Variants in NNMT observed in about 807,000 individuals in gnomAD.
NNMT encodes nicotinamide N-methyltransferase.
In NNMT, 10 loss-of-function variants were observed where a neutral mutation model predicts 11.7. That is an observed-to-expected ratio of 0.85 (90% CI 0.53 to 1.45). The LOEUF (loss-of-function observed/expected upper bound fraction) is 1.45. Among genes scored for constraint, NNMT ranks in the 40% most tolerant of loss-of-function variants. NNMT has a pLI of 0.00. For missense variants in NNMT, 381 were observed against 319.4 expected (o/e 1.19, Z -1.47); for synonymous variants, 143 against 133.8 (o/e 1.07, Z -0.48).
intron 2 of NNMT, among the ~76,000 whole-genome samples, chr11:114,269,322 T>C (rs986079569): frequency 1.3e-5 from 2 of 152,334 alleles, no homozygotes; most frequent in African/African-American, 4.8e-5. Context: ...CATTGTGTTC[T>C]CTTCTGCACC....
intron 2 of NNMT, among the ~76,000 whole-genome samples, chr11:114,311,300 A>C (rs1202752134): frequency 6.6e-6 from 1 of 152,232 alleles, no homozygotes; most frequent in Non-Finnish European, 1.5e-5. Flanking sequence ...ACTGCGCTCC[A>C]TCCTGTGCAA....
intron 2 of NNMT, among the ~76,000 whole-genome samples, chr11:114,298,763 C>T (rs1945409404): frequency 6.6e-6 from 1 of 152,232 alleles, no homozygotes; most frequent in African/African-American, 2.4e-5. Context: ...AGATCTTACA[C>T]TACCACATCT....
chr11:114,261,983 G>A (rs1945086835), intron 1 of NNMT, among the ~76,000 whole-genome samples: 1 of 152,078 alleles, frequency 6.6e-6, no homozygotes, highest in African/African-American at 2.4e-5. Context: ...AAGCAGGCAG[G>A]CCTCGAAGGG....
chr11:114,284,329 G>A (rs1286164714), intron 2 of NNMT, among the ~76,000 whole-genome samples: 2 of 152,224 alleles, frequency 1.3e-5, no homozygotes, highest in African/African-American at 4.8e-5. Flanking sequence ...CTGTATAGGA[G>A]GGGTAGGTCA....
At chr11:114,284,680 T>A (rs1396153138) in intron 2 of NNMT, among the ~76,000 whole-genome samples, 1 of 151,610 alleles carries the variant, frequency 6.6e-6, no homozygotes. Context: ...GCCAGGATGG[T>A]CTCGATCTCC....
intron 2 of NNMT, among the ~76,000 whole-genome samples, chr11:114,275,561 C>T (rs1945207584): frequency 6.6e-6 from 1 of 152,168 alleles, no homozygotes; most frequent in African/African-American, 2.4e-5. Flanking sequence ...GACTGCATCT[C>T]CAGGACTCAG....
At chr11:114,268,723 C>T (rs1462157753) in intron 2 of NNMT, among the ~76,000 whole-genome samples, 5 of 147,476 alleles carry the variant, frequency 3.4e-5, no homozygotes, top group Non-Finnish European at 5.9e-5. Context: ...GAGCCGAGAT[C>T]GCACCACTGC....
At chr11:114,279,927 G>T (rs1945247042) in intron 2 of NNMT, among the ~76,000 whole-genome samples, 1 of 152,172 alleles carries the variant, frequency 6.6e-6, no homozygotes, top group African/African-American at 2.4e-5. Flanking sequence ...GAACTAGCAG[G>T]TTGCCAGGCA....
At chr11:114,310,102 T>C (rs1945536266) in intron 2 of NNMT, among the ~76,000 whole-genome samples, 1 of 152,254 alleles carries the variant, frequency 6.6e-6, no homozygotes, top group African/African-American at 2.4e-5. Flanking sequence ...GATATATGTT[T>C]TCATTTCTCT....
intron 2 of NNMT, among the ~76,000 whole-genome samples, chr11:114,305,210 G>C (rs549235271): frequency 5.9e-5 from 9 of 152,246 alleles, no homozygotes; most frequent in African/African-American, 1.4e-4. Flanking sequence ...CCCTCTAGGT[G>C]TGCCAGGGCA....
rs188365447 is a variant in NNMT at position 114,278,053 on chromosome 11, C to T, written c.-130+15119C>T. 5.6e-4 allele frequency among the ~76,000 whole-genome samples: 85 copies of T among 152,194 alleles called. 2 individuals carry two copies. The highest frequency in any genetic ancestry group is 5.2e-3 in the South Asian group (25 of 4,818). ...GCTATGTTAGTCCATTTTGCAATGC[C>T]GTAAAGGAATACCTGAGACTGGGTA... On this transcript the variant is annotated intron_variant, in intron 2 of 4. Coordinates refer to the NNMT transcript ENST00000535401.
intron 2 of NNMT, among the ~76,000 whole-genome samples, chr11:114,270,937 G>A (rs990791828): frequency 6.6e-6 from 1 of 152,114 alleles, no homozygotes; most frequent in East Asian, 1.9e-4. Context: ...ACCACACCCT[G>A]CTGATTTTTG....
intron 2 of NNMT, among the ~76,000 whole-genome samples, chr11:114,304,319 C>A (rs1945469202): frequency 1.3e-5 from 2 of 152,210 alleles, no homozygotes; most frequent in African/African-American, 4.8e-5. Flanking sequence ...CAAAAATAAA[C>A]CCTTACAATC....
intron 2 of NNMT, among the ~76,000 whole-genome samples, chr11:114,284,713 T>C (rs7109984): frequency 0.81 from 121,491 of 149,750 alleles, 50,622 homozygotes; most frequent in Non-Finnish European, 0.9. Context: ...ATGCCCACCT[T>C]GGCCTCCCAA....
chr11:114,282,744 G>T (rs1207912555), intron 2 of NNMT, among the ~76,000 whole-genome samples: 3 of 152,134 alleles, frequency 2.0e-5, no homozygotes, highest in Non-Finnish European at 4.4e-5. Flanking sequence ...GGAAGGCTCT[G>T]GGGCCTTAGA....
intron 1 of NNMT, among the ~76,000 whole-genome samples, chr11:114,259,082 A>C (rs1945053475): frequency 6.6e-6 from 1 of 152,224 alleles, no homozygotes. Flanking sequence ...CCAGACTGTC[A>C]GTTCCTTGAG....
At chr11:114,281,806 G>A (rs563559244) in intron 2 of NNMT, among the ~76,000 whole-genome samples, 1 of 152,270 alleles carries the variant, frequency 6.6e-6, no homozygotes, top group East Asian at 1.9e-4. Flanking sequence ...TACAGGATTA[G>A]GGGAAATTGG....
intron 2 of NNMT, among the ~76,000 whole-genome samples, chr11:114,286,562 AT>A (rs1945301632): frequency 6.6e-6 from 1 of 152,236 alleles, no homozygotes; most frequent in Non-Finnish European, 1.5e-5. Context: ...TATAGATTGA[AT>A]AAAAAGGAAG....
intron 1 of NNMT, among the ~76,000 whole-genome samples, chr11:114,261,887 A>G (rs1341088598): frequency 6.6e-6 from 1 of 152,180 alleles, no homozygotes; most frequent in Non-Finnish European, 1.5e-5. Flanking sequence ...CCCTAACCCC[A>G]GGGATACGCG....
Sources: gnomAD v4.1 joint callset for allele counts (sites outside exome capture counted in the v4.1 genomes callset) on GRCh38, gnomAD v4.1.1 for gene constraint, MANE v1.5 for transcripts, NCBI Gene and HGNC (gene_info 2026-07-23, HGNC 2026-07-21) for gene names.